The following CFAP263 variants were observed in gnomAD, a reference collection of about 807,000 sequenced individuals.
CFAP263 encodes the protein cilia- and flagella-associated protein 263.
At chr16:58,252,657 T>C in the CFAP263 span, 1 of 1,416,748 alleles carries the variant, frequency 7.1e-7, no homozygotes, top group Non-Finnish European at 9.9e-7. Context: ...GGTCTACTAG[T>C]TATTAAACAC....
chr16:58,280,190 G>T, the CFAP263 span: 1 of 1,571,322 alleles, frequency 6.4e-7, no homozygotes, highest in Non-Finnish European at 8.6e-7. Context: ...AGCATTCTCA[G>T]TTTACTCTTC....
At chr16:58,279,211 C>T in the CFAP263 span, among the ~76,000 whole-genome samples, 1 of 152,038 alleles carries the variant, frequency 6.6e-6, no homozygotes, top group African/African-American at 2.4e-5. Flanking sequence ...CTGCCGTGGC[C>T]AGGTTGCAAA....
the CFAP263 span, among the ~76,000 whole-genome samples, chr16:58,268,682 C>A: frequency 1.3e-5 from 2 of 152,124 alleles, no homozygotes; most frequent in African/African-American, 2.4e-5. Context: ...AAAAAACCCC[C>A]AATTTCAGTA....
chr16:58,278,578 T>C, the CFAP263 span: 24 of 1,614,174 alleles, frequency 1.5e-5, no homozygotes, highest in South Asian at 2.6e-4. Flanking sequence ...GGAGAAGATC[T>C]TAAATGCGGA....
chr16:58,261,961 G>A, the CFAP263 span, among the ~76,000 whole-genome samples: 1 of 152,080 alleles, frequency 6.6e-6, no homozygotes, highest in Admixed American at 6.5e-5. Context: ...ACTTTTAAAT[G>A]GCCTGATTCT....
the CFAP263 span, chr16:58,279,575 A>G: frequency 2.4e-6 from 2 of 820,898 alleles, no homozygotes; most frequent in Non-Finnish European, 3.8e-6. Context: ...TGCCTGCACC[A>G]TCACGGGGCT....
At chr16:58,259,923 C>A in the CFAP263 span, 3 of 1,599,966 alleles carry the variant, frequency 1.9e-6, no homozygotes, top group South Asian at 3.4e-5. Context: ...AATGCTTTTA[C>A]AATTGAGGCA....
chr16:58,267,374 TCTG>T, the CFAP263 span: 20 of 796,326 alleles, frequency 2.5e-5, no homozygotes, highest in Non-Finnish European at 4.1e-6. Context: ...ATTTGGACTT[TCTG>T]GATGGTCCTG....
chr16:58,256,230 T>C, the CFAP263 span, among the ~76,000 whole-genome samples: 1 of 152,084 alleles, frequency 6.6e-6, no homozygotes, highest in African/African-American at 2.4e-5. Flanking sequence ...TTTCTAAACA[T>C]GCATTGTTGA....
chr16:58,279,738 C>T, the CFAP263 span: 21 of 1,613,172 alleles, frequency 1.3e-5, no homozygotes, highest in East Asian at 4.5e-4. Context: ...TGAAAATAAC[C>T]AATGAGCAGT....
the CFAP263 span, chr16:58,262,296 A>T: frequency 7.9e-7 from 1 of 1,269,482 alleles, no homozygotes; most frequent in Non-Finnish European, 1.1e-6. Flanking sequence ...ACTGACCTCC[A>T]AAGTCTTGTC....
the CFAP263 span, among the ~76,000 whole-genome samples, chr16:58,253,364 G>A: frequency 2.0e-5 from 3 of 151,506 alleles, no homozygotes; most frequent in East Asian, 5.8e-4. Flanking sequence ...CTGGGCAACA[G>A]AGCAAGACTC....
chr16:58,250,088 A>G, the CFAP263 span: 2 of 1,591,192 alleles, frequency 1.3e-6, no homozygotes, highest in Non-Finnish European at 1.7e-6. Flanking sequence ...CCTGTTATCC[A>G]GCTGTGCGGG....
At chr16:58,280,144 C>T in the CFAP263 span, 2 of 1,427,184 alleles carry the variant, frequency 1.4e-6, no homozygotes, top group East Asian at 2.3e-5. Flanking sequence ...CTATCAAAAA[C>T]AGACATCAAA....
At chr16:58,267,116 G>T in the CFAP263 span, among the ~76,000 whole-genome samples, 3 of 152,338 alleles carry the variant, frequency 2.0e-5, no homozygotes, top group Admixed American at 6.5e-5. Flanking sequence ...CAGGCACTGT[G>T]TTCAGCACTC....
the CFAP263 span, among the ~76,000 whole-genome samples, chr16:58,264,490 G>C: frequency 6.6e-6 from 1 of 152,186 alleles, no homozygotes; most frequent in Non-Finnish European, 1.5e-5. Context: ...GGAAATGGAG[G>C]CAGAACAACT....
At chr16:58,258,408 C>G in the CFAP263 span, 23 of 1,613,624 alleles carry the variant, frequency 1.4e-5, 1 homozygote, top group South Asian at 2.4e-4. Flanking sequence ...AGTGAAGTTT[C>G]GAGAGAAGTG....
chr16:58,280,513 G>T, the CFAP263 span: 1 of 1,614,190 alleles, frequency 6.2e-7, no homozygotes, highest in South Asian at 1.1e-5. Flanking sequence ...ATCAGAATAT[G>T]TCTTCTGTGT....
the CFAP263 span, among the ~76,000 whole-genome samples, chr16:58,261,328 G>A: frequency 2.6e-5 from 4 of 152,146 alleles, no homozygotes; most frequent in Non-Finnish European, 5.9e-5. Context: ...TGGTCCCAGT[G>A]GAACTGTCTG....
Sources: allele counts gnomAD v4.1 joint callset (sites outside exome capture counted in the v4.1 genomes callset), GRCh38; gene constraint gnomAD v4.1.1; transcripts MANE v1.5; gene names NCBI Gene and HGNC (gene_info 2026-07-23, HGNC 2026-07-21).